The following NCOR1 variants were observed in gnomAD, a reference collection of about 807,000 sequenced individuals.
The protein encoded by NCOR1 is nuclear receptor corepressor 1, also known as protein phosphatase 1, regulatory subunit 109.
A neutral mutation model predicts 288.1 loss-of-function variants in NCOR1; 63 were observed. The ratio of observed to expected loss-of-function variants is 0.22; its 90% CI spans 0.18 to 0.27. The LOEUF (loss-of-function observed/expected upper bound fraction) is 0.27. Ranked by LOEUF, NCOR1 falls within the 10% of genes least tolerant of loss-of-function variation. The pLI is 1.00. For synonymous variants in NCOR1, 1,007 were observed against 1,065.9 expected, an observed-to-expected ratio of 0.94 and a Z score of 1.08; for missense variants, 2,397 against 3,019.2, an observed-to-expected ratio of 0.79 and a Z score of 4.83.
At chr17:16,180,888 G>A (rs1249404373) in intron 3 of NCOR1, among the ~76,000 whole-genome samples, 1 of 152,218 alleles carries the variant, frequency 6.6e-6, no homozygotes, top group Non-Finnish European at 1.5e-5. Context: ...GCCAGGCACA[G>A]TGGCTCACTC....
chr17:16,150,686 A>T (rs1444396870), intron 8 of NCOR1, among the ~76,000 whole-genome samples: 1 of 151,784 alleles, frequency 6.6e-6, no homozygotes, highest in East Asian at 1.9e-4. Flanking sequence ...ACACAAACAT[A>T]ACACTGAGGC....
At chr17:16,144,881 T>TC (rs1348473001) in intron 10 of NCOR1, among the ~76,000 whole-genome samples, 1 of 148,702 alleles carries the variant, frequency 6.7e-6, no homozygotes, top group African/African-American at 2.5e-5. Flanking sequence ...CTCCTCCCTC[T>TC]CCCCTTCTCC....
intron 4 of NCOR1, among the ~76,000 whole-genome samples, chr17:16,168,346 G>A (rs78347893): frequency 1.3e-5 from 2 of 151,984 alleles, no homozygotes; most frequent in East Asian, 1.9e-4. Context: ...GATTACAGGC[G>A]CCTGCCACCA....
rs564003077 is a variant in NCOR1 at position 16,131,994 on chromosome 17, A to C, written c.1509+5317T>G. Among the ~76,000 whole-genome samples the C allele has an allele frequency of 2.6e-5, 4 of 152,326 alleles. No individual in the cohort carries two copies. The South Asian group carries it at 8.3e-4, about 32-fold the overall frequency. On this transcript the variant is annotated intron_variant, in intron 14 of 45. Transcript: ENST00000268712. ...TCACATAGGTACAATTGGGCAGAGC[A>C]CTCTGGGGCTAGAGTTCTTGCTGAT...
At chr17:16,094,064 A>AT (rs899845651) in intron 21 of NCOR1, among the ~76,000 whole-genome samples, 18 of 150,698 alleles carry the variant, frequency 1.2e-4, no homozygotes, top group Non-Finnish European at 1.8e-4. Context: ...TGCGGAGCTA[A>AT]TTTTTTTTTG....
At position 16,075,536 on chromosome 17, in the gene NCOR1, T is replaced by C. The variant is rs759481823; in HGVS notation, c.3668A>G (p.Asp1223Gly). 2 of 1,614,090 alleles carry C rather than the reference T, an allele frequency of 1.2e-6. No individual in the cohort carries two copies. The highest frequency in any genetic ancestry group is 8.5e-7 in the Non-Finnish European group (1 of 1,179,976). Residue 1223 changes from aspartate to glycine, a missense_variant and splice_region_variant, in exon 27 of 46, where the codon GAT becomes GGT. Transcript: ENST00000268712. ...TGGTGCATACATACAATACTTACTA[T>C]CATATGACAAGATATGTCCACTTTT... Reference protein sequence around the residue: ...EGKSGHILSYDNIKNAREGTR... With the variant: ...EGKSGHILSYGNIKNAREGTR...
At chr17:16,163,900 G>A (rs1452956945) in intron 5 of NCOR1, among the ~76,000 whole-genome samples, 1 of 152,138 alleles carries the variant, frequency 6.6e-6, no homozygotes, top group Non-Finnish European at 1.5e-5. Flanking sequence ...AAACACAAAA[G>A]GTCACATATG....
intron 44 of NCOR1, among the ~76,000 whole-genome samples, chr17:16,036,740 A>AGG (rs766079816): frequency 9.9e-5 from 15 of 152,184 alleles, no homozygotes; most frequent in Non-Finnish European, 1.8e-4. Context: ...TTGAAGAGTT[A>AGG]GGGCTTGGAT....
intron 15 of NCOR1, among the ~76,000 whole-genome samples, chr17:16,121,786 T>G (rs901312581): frequency 1.2e-4 from 19 of 152,234 alleles, no homozygotes; most frequent in Admixed American, 1.2e-3. Context: ...CTCAATACTC[T>G]AAATCATGTC....
At chr17:16,099,643 AAC>A (rs1444191091) in intron 20 of NCOR1, among the ~76,000 whole-genome samples, 1 of 152,208 alleles carries the variant, frequency 6.6e-6, no homozygotes, top group Non-Finnish European at 1.5e-5. Context: ...AACAGTGCAA[AAC>A]ACAGATAATC....
chr17:16,196,196 T>C (rs2089756112), intron 1 of NCOR1, among the ~76,000 whole-genome samples: 1 of 150,682 alleles, frequency 6.6e-6, no homozygotes, highest in Non-Finnish European at 1.5e-5. Flanking sequence ...TTTAGTATTT[T>C]ATTAGTAAAG....
intron 10 of NCOR1, among the ~76,000 whole-genome samples, chr17:16,146,034 T>A (rs1044285534): frequency 6.6e-6 from 1 of 152,164 alleles, no homozygotes; most frequent in Non-Finnish European, 1.5e-5. Flanking sequence ...GCTGGGTCCA[T>A]TAAGGGTTAA....
At chr17:16,051,849 T>G (rs1212810790) in intron 40 of NCOR1, among the ~76,000 whole-genome samples, 3 of 152,044 alleles carry the variant, frequency 2.0e-5, no homozygotes, top group Non-Finnish European at 4.4e-5. Context: ...AGGCAGACGT[T>G]GTGGTGAGCT....
At chr17:16,195,833 T>C (rs2089658078) in intron 1 of NCOR1, among the ~76,000 whole-genome samples, 1 of 152,180 alleles carries the variant, frequency 6.6e-6, no homozygotes, top group Non-Finnish European at 1.5e-5. Flanking sequence ...AGTATTCCCA[T>C]CCTAAAACAT....
rs1971821403 is a variant in NCOR1, at chr17:16,030,502, A to G, written c.*1794T>C. ...AATATTACCAGTACCTGAAAAAAAA[A>G]AATTCAGCAGAAAACTGTGAAGTGG... On this transcript the variant is annotated 3_prime_UTR_variant, in exon 46 of 46. Coordinates refer to ENST00000268712, the MANE Select transcript of NCOR1 (RefSeq NM_006311.4). 5.0e-6 allele frequency: 1 copy of G among 198,822 alleles called. No individual in the cohort carries two copies. Among genetic ancestry groups the G allele is most frequent in the Non-Finnish European group, 1.0e-5 (1 of 96,148 alleles). 12.3% of individuals were successfully genotyped at this position (198,822 alleles called of 1,614,324 possible).
intron 41 of NCOR1, among the ~76,000 whole-genome samples, chr17:16,047,376 AT>A (rs1223963205): frequency 2.6e-5 from 4 of 152,218 alleles, no homozygotes; most frequent in Non-Finnish European, 5.9e-5. Context: ...GTAAATGAAT[AT>A]TAATAGGAAA....
intron 44 of NCOR1, among the ~76,000 whole-genome samples, chr17:16,037,713 T>G (rs1054489497): frequency 7.2e-5 from 11 of 152,192 alleles, no homozygotes; most frequent in African/African-American, 2.4e-4. Context: ...GAACAAAGCT[T>G]CTTCATGCTA....
At chr17:16,207,944 A>G (rs1461242275) in intron 1 of NCOR1, among the ~76,000 whole-genome samples, 1 of 150,298 alleles carries the variant, frequency 6.7e-6, no homozygotes, top group Non-Finnish European at 1.5e-5. Context: ...AATCTACTTA[A>G]TTTTTTATAT....
chr17:16,040,759 G>C (rs568917649), intron 42 of NCOR1: 186 of 465,494 alleles, frequency 4.0e-4, no homozygotes, highest in Middle Eastern at 1.3e-3. Context: ...GCTGTGTGCA[G>C]TGGTGCACTC....
Sources: gnomAD v4.1 joint callset for allele counts (sites outside exome capture counted in the v4.1 genomes callset) on GRCh38, gnomAD v4.1.1 for gene constraint, MANE v1.5 for transcripts, NCBI Gene and HGNC (gene_info 2026-07-23, HGNC 2026-07-21) for gene names.